ADAM22: variants seen among roughly 807,000 people sequenced by gnomAD.
ADAM22 encodes the protein ADAM metallopeptidase domain 22.
A neutral mutation model predicts 144.6 loss-of-function variants in ADAM22; 65 were observed. The observed-to-expected ratio is 0.45, with a 90% CI of 0.37 to 0.55. The LOEUF (loss-of-function observed/expected upper bound fraction) is 0.55, where lower values mean the gene tolerates loss of function less well. Among genes scored for constraint, ADAM22 ranks in the 20% least tolerant of loss-of-function variants. The probability of loss-of-function intolerance (pLI) is 0.00; values close to 1 mark genes in which losing one functional copy is unlikely to be tolerated. For synonymous variants in ADAM22, 391 were observed against 412.6 expected (o/e 0.95, Z 0.63); for missense variants, 974 against 1,184.9 (o/e 0.82, Z 2.61).
chr7:88,179,150 T>C, intron 27 of ADAM22, 21 bp downstream of exon 27: 1 of 882,492 alleles, frequency 1.1e-6, no homozygotes, highest in Non-Finnish European at 1.8e-6. Flanking sequence ...TTCTTCCTTC[T>C]TTCTTGAATG....
At chr7:88,163,620 G>A (rs1842278852) in intron 23 of ADAM22, among the ~76,000 whole-genome samples, 2 of 152,022 alleles carry the variant, frequency 1.3e-5, no homozygotes, top group South Asian at 2.1e-4. Context: ...ACACCAGCGT[G>A]TACAAGCTGA....
chr7:88,103,750 ATACT>A (rs765221353), intron 4 of ADAM22, among the ~76,000 whole-genome samples: 40 of 152,150 alleles, frequency 2.6e-4, no homozygotes, highest in Non-Finnish European at 1.9e-4. Context: ...ATTGTATATA[ATACT>A]TACTTCCATA....
chr7:87,991,804 T>A (rs917615303), intron 3 of ADAM22, among the ~76,000 whole-genome samples: 2 of 152,214 alleles, frequency 1.3e-5, no homozygotes, highest in African/African-American at 2.4e-5. Context: ...TAGCTATTTT[T>A]AGAATGCCAT....
rs902369666 is a variant in ADAM22 at position 87,934,409 on chromosome 7, G to A, written c.-57G>A. 3 of 1,519,556 alleles carry A rather than the reference G, an allele frequency of 2.0e-6. 1 individual carries two copies. Among genetic ancestry groups the A allele is most frequent in the South Asian group, 2.4e-5 (2 of 84,130 alleles). The allele number at this position is 1,519,556 out of a possible 1,614,324, so 94.1% of individuals were successfully genotyped here. A position where few individuals can be genotyped will look rare whatever the true frequency, so the allele number is the denominator to read the frequency against. On this transcript the variant is annotated 5_prime_UTR_variant, in exon 1 of 32. Coordinates refer to ENST00000413139, the MANE Select transcript of ADAM22 (RefSeq NM_001324418.2). ...GGCGCGGAGCGAGGGAAACGGACTC[G>A]GCGGCGCCGGCATGAGGAGCTGAGC...
At chr7:88,151,796 C>T (rs10487008) in intron 20 of ADAM22, among the ~76,000 whole-genome samples, 20,273 of 152,054 alleles carry the variant, frequency 0.13, 1,949 homozygotes, top group East Asian at 0.48. Context: ...TTCCTAGTTA[C>T]GCACTTCTGC....
Position 87,999,136 on chromosome 7 carries a change from C to T in ADAM22, c.323+20724C>T, listed in dbSNP as rs147531167. On this transcript the variant is annotated intron_variant, in intron 3 of 31. Coordinates refer to ENST00000413139, the MANE Select transcript of ADAM22 (RefSeq NM_001324418.2). ...TGAAGTGGTACATGTGTAGCACCCA[C>T]TACTTGAGAGAAAGTATGTTAGTGT... Among the ~76,000 whole-genome samples, 311 of 152,160 alleles carry T rather than the reference C, an allele frequency of 2.0e-3. 3 individuals carry two copies. Among genetic ancestry groups the T allele is most frequent in the African/African-American group, 7.0e-3 (292 of 41,502 alleles).
Position 87,934,428 on chromosome 7 carries a change from G to A in ADAM22, c.-38G>A. 1.3e-6 allele frequency: 2 copies of A among 1,563,090 alleles called. No homozygotes were observed. Among genetic ancestry groups the A allele is most frequent in the South Asian group, 2.3e-5 (2 of 86,516 alleles). On this transcript the variant is annotated 5_prime_UTR_variant, in exon 1 of 32. Transcript: ENST00000413139. Reference sequence around the variant, plus strand: ...GGACTCGGCGGCGCCGGCATGAGGAGCTGAGCGTCTCGGGCGAGGCGGGCT... The same window carrying A: ...GGACTCGGCGGCGCCGGCATGAGGAACTGAGCGTCTCGGGCGAGGCGGGCT...
At position 88,179,069 on chromosome 7, in the gene ADAM22, T is replaced by C. The variant is rs1399823210; in HGVS notation, c.2435T>C (p.Ile812Thr). Residue 812 changes from isoleucine to threonine, a missense_variant, in exon 27 of 32, where the codon ATT becomes ACT. Transcript: ENST00000413139. ...KRSAFLSHFQ[I>T]STCSITHYSI... ...TCTGCTTTTCTGTCGCATTTTCAGA[T>C]TTCTACCTGTTCCATCACACATTAT... 6.5e-7 allele frequency: 1 copy of C among 1,549,640 alleles called. No individual in the cohort carries two copies. The highest frequency in any genetic ancestry group is 1.4e-5 in the African/African-American group (1 of 73,692).
intron 3 of ADAM22, among the ~76,000 whole-genome samples, chr7:87,978,759 G>C (rs1852523526): frequency 6.6e-6 from 1 of 152,178 alleles, no homozygotes; most frequent in Non-Finnish European, 1.5e-5. Context: ...AGAACAGCAG[G>C]AAAGAGAAGG....
intron 3 of ADAM22, among the ~76,000 whole-genome samples, chr7:88,061,049 A>G (rs991669393): frequency 6.6e-6 from 1 of 152,026 alleles, no homozygotes; most frequent in Admixed American, 6.6e-5. Flanking sequence ...GGTTGCAGTG[A>G]GCTGAGATTG....
chr7:88,015,852 G>T (rs1796436094), intron 3 of ADAM22, among the ~76,000 whole-genome samples: 1 of 151,980 alleles, frequency 6.6e-6, no homozygotes, highest in African/African-American at 2.4e-5. Flanking sequence ...TTGAGTTTTT[G>T]TTTTTGATTA....
chr7:88,150,842 C>G, intron 18 of ADAM22, 139 bp from the exon 19 acceptor site: 2 of 620,746 alleles, frequency 3.2e-6, no homozygotes. Flanking sequence ...TCTTGACCTC[C>G]TTTGCATTTT....
At chr7:87,943,052 G>C (rs995236201) in intron 2 of ADAM22, among the ~76,000 whole-genome samples, 1 of 151,410 alleles carries the variant, frequency 6.6e-6, no homozygotes, top group African/African-American at 2.4e-5. Flanking sequence ...GATAATAAAA[G>C]CACTTGCAAG....
intron 2 of ADAM22, among the ~76,000 whole-genome samples, chr7:87,956,045 C>A (rs1003591246): frequency 6.6e-6 from 1 of 152,114 alleles, no homozygotes; most frequent in African/African-American, 2.4e-5. Context: ...CTTTCCTTGA[C>A]CAGGAAAGGG....
chr7:87,950,752 C>T (rs1013578370), intron 2 of ADAM22, among the ~76,000 whole-genome samples: 2 of 148,976 alleles, frequency 1.3e-5, no homozygotes, highest in African/African-American at 2.5e-5. Context: ...TACAGTCCCA[C>T]CAACAGTGTA....
chr7:88,041,570 A>G (rs575269048), intron 3 of ADAM22, among the ~76,000 whole-genome samples: 1 of 152,122 alleles, frequency 6.6e-6, no homozygotes, highest in South Asian at 2.1e-4. Context: ...CAACTCAACT[A>G]TATTTGAATG....
At chr7:88,044,535 T>G (rs1158052666) in intron 3 of ADAM22, among the ~76,000 whole-genome samples, 1 of 142,748 alleles carries the variant, frequency 7.0e-6, no homozygotes, top group African/African-American at 2.6e-5. Context: ...CAACCTCCCC[T>G]TCCCGGGTTC....
intron 3 of ADAM22, among the ~76,000 whole-genome samples, chr7:88,014,696 GC>G (rs1796170801): frequency 1.3e-5 from 2 of 152,144 alleles, no homozygotes; most frequent in Admixed American, 6.5e-5. Context: ...GCAACACTGG[GC>G]CCTCTAAGAA....
intron 4 of ADAM22, among the ~76,000 whole-genome samples, chr7:88,105,079 CAT>C (rs1285381602): frequency 6.6e-6 from 1 of 151,404 alleles, no homozygotes; most frequent in African/African-American, 2.5e-5. Flanking sequence ...TTTAATATAA[CAT>C]GTTTCCAGAG....
Sources: gnomAD v4.1 joint callset for allele counts (sites outside exome capture counted in the v4.1 genomes callset) on GRCh38, gnomAD v4.1.1 for gene constraint, MANE v1.5 for transcripts, NCBI Gene and HGNC (gene_info 2026-07-23, HGNC 2026-07-21) for gene names.